The following NEO1 variants were observed in gnomAD, a reference collection of about 807,000 sequenced individuals.
The protein encoded by NEO1 is neogenin 1, also known as neogenin.
A neutral mutation model predicts 159.7 loss-of-function variants in NEO1; 63 were observed. The observed-to-expected ratio is 0.39, with a 90% CI of 0.32 to 0.49. The LOEUF is 0.49. NEO1 is among the 20% of genes least tolerant of loss of function. The pLI, the probability that NEO1 is intolerant of heterozygous loss-of-function variation, is 0.85. For missense variants in NEO1, 1,615 were observed against 1,831.0 expected, an observed-to-expected ratio of 0.88 and a Z score of 2.15; for synonymous variants, 633 against 662.0, an observed-to-expected ratio of 0.96 and a Z score of 0.67.
At chr15:73,257,655 AT>A (rs1394512606) in intron 13 of NEO1, among the ~76,000 whole-genome samples, 2 of 152,204 alleles carry the variant, frequency 1.3e-5, no homozygotes, top group Non-Finnish European at 2.9e-5. Flanking sequence ...TATGATATGT[AT>A]TGTATACCTT....
intron 1 of NEO1, among the ~76,000 whole-genome samples, chr15:73,107,011 T>G (rs2070729710): frequency 6.6e-6 from 1 of 152,212 alleles, no homozygotes; most frequent in Non-Finnish European, 1.5e-5. Flanking sequence ...TTACAAACTC[T>G]TTTGTAGTGA....
chr15:73,244,188 C>T (rs1333301066), intron 8 of NEO1, among the ~76,000 whole-genome samples, 156 bp from the exon 9 acceptor site: 1 of 152,174 alleles, frequency 6.6e-6, no homozygotes, highest in Non-Finnish European at 1.5e-5. Context: ...TTGCCAGTCC[C>T]CATCTTCTTT....
chr15:73,180,895 T>C (rs941917919), intron 7 of NEO1, among the ~76,000 whole-genome samples: 14 of 152,190 alleles, frequency 9.2e-5, no homozygotes, highest in African/African-American at 2.9e-4. Flanking sequence ...ATTTGCAAGA[T>C]AAATATTTAT....
chr15:73,166,172 C>G (rs527877882), intron 5 of NEO1, among the ~76,000 whole-genome samples: 1 of 152,276 alleles, frequency 6.6e-6, no homozygotes. Flanking sequence ...CCCATACCTG[C>G]TATAGTGGCT....
chr15:73,250,892 T>C (rs1323544717), intron 11 of NEO1, among the ~76,000 whole-genome samples: 2 of 152,196 alleles, frequency 1.3e-5, no homozygotes, highest in Non-Finnish European at 2.9e-5. Context: ...TTAGATATGT[T>C]ATTAGCTATA....
intron 5 of NEO1, among the ~76,000 whole-genome samples, chr15:73,146,313 A>G (rs1205152432): frequency 6.6e-6 from 1 of 152,206 alleles, no homozygotes; most frequent in Non-Finnish European, 1.5e-5. Flanking sequence ...TTTGACCACA[A>G]CGGATTGCTT....
rs559358091 is a variant in NEO1, at chr15:73,156,434, CCACTGG to C, written c.1016-19968_1016-19963del. 1.2e-3 allele frequency among the ~76,000 whole-genome samples: 180 copies of C among 152,260 alleles called. 1 individual carries two copies. The highest frequency in any genetic ancestry group is 4.1e-3 in the African/African-American group (170 of 41,542). ...AGTTCCAGGTAGGCTGATTCTTTGGCCACTGGGTGGCTCTCTCAAATGCCTGTTGTA... is the reference window on the plus strand; with the variant it reads ...AGTTCCAGGTAGGCTGATTCTTTGGCGTGGCTCTCTCAAATGCCTGTTGTA... On this transcript the variant is annotated intron_variant, in intron 5 of 28. Coordinates refer to ENST00000261908, the MANE Select transcript of NEO1 (RefSeq NM_002499.4).
intron 23 of NEO1, among the ~76,000 whole-genome samples, chr15:73,287,493 AAGAG>A (rs1205182415): frequency 1.3e-5 from 2 of 152,212 alleles, no homozygotes; most frequent in Non-Finnish European, 2.9e-5. Context: ...AGGGGTAAGT[AAGAG>A]AGTGAATGGA....
At position 73,298,439 on chromosome 15, in the gene NEO1, C is replaced by G; in HGVS notation, c.3993C>G (p.Thr1331=). The G allele has an allele frequency of 6.2e-7, 1 of 1,614,166 alleles. No individual in the cohort carries two copies. The change falls in exon 27 of 29, where the codon ACC becomes ACG. Residue 1331 remains threonine, a synonymous_variant. Coordinates refer to ENST00000261908, the MANE Select transcript of NEO1 (RefSeq NM_002499.4). The stretch of plus-strand genomic sequence containing the variant: ...ATCACCAGGACCCTGAAGGTGCTAC[C>G]AGCTCCTCTTACTTGGCCAGCTCCC... ...CTDHQDPEGA[T]SSSYLASSQE... is the part of the protein sequence containing the mutation.
chr15:73,153,974 C>T (rs1424351213), intron 5 of NEO1, among the ~76,000 whole-genome samples: 2 of 152,168 alleles, frequency 1.3e-5, no homozygotes, highest in South Asian at 2.1e-4. Flanking sequence ...GAAATAATAT[C>T]AAGCAATTTT....
intron 7 of NEO1, among the ~76,000 whole-genome samples, chr15:73,209,628 C>T (rs534169488): frequency 6.6e-6 from 1 of 152,274 alleles, no homozygotes; most frequent in South Asian, 2.1e-4. Flanking sequence ...TTCATACATA[C>T]ATTTTTATGA....
At chr15:73,266,211 T>G in intron 15 of NEO1, 105 bp from the exon 16 acceptor site, 1 of 806,050 alleles carries the variant, frequency 1.2e-6, no homozygotes, top group Non-Finnish European at 1.9e-6. Context: ...ATTTTTAAAG[T>G]TGTCTTTCTT....
intron 26 of NEO1, among the ~76,000 whole-genome samples, 167 bp downstream of exon 26, chr15:73,293,715 C>A (rs1265176952): frequency 6.6e-6 from 1 of 152,214 alleles, no homozygotes; most frequent in Non-Finnish European, 1.5e-5. Flanking sequence ...GTAAAATTCA[C>A]CCCATATTTC....
chr15:73,271,609 T>C (rs549173940), intron 18 of NEO1, among the ~76,000 whole-genome samples: 7 of 152,318 alleles, frequency 4.6e-5, no homozygotes, highest in African/African-American at 1.7e-4. Context: ...ATAGGGCTTT[T>C]AAAAGTTATA....
chr15:73,210,407 A>G (rs985462203), intron 7 of NEO1, among the ~76,000 whole-genome samples: 2 of 152,226 alleles, frequency 1.3e-5, no homozygotes, highest in African/African-American at 2.4e-5. Flanking sequence ...ATTGGCACCA[A>G]CCATCAAGGA....
intron 5 of NEO1, among the ~76,000 whole-genome samples, chr15:73,165,865 T>C (rs575141979): frequency 1.3e-5 from 2 of 152,352 alleles, no homozygotes; most frequent in African/African-American, 4.8e-5. Context: ...CCTCCTAATG[T>C]GCATGCAGGC....
intron 1 of NEO1, among the ~76,000 whole-genome samples, chr15:73,114,139 T>C (rs951369682): frequency 6.6e-6 from 1 of 152,136 alleles, no homozygotes; most frequent in South Asian, 2.1e-4. Flanking sequence ...AGACAGCATT[T>C]CTGAGCAAAT....
chr15:73,086,092 A>G (rs1258908030), intron 1 of NEO1, among the ~76,000 whole-genome samples: 1 of 152,204 alleles, frequency 6.6e-6, no homozygotes, highest in African/African-American at 2.4e-5. Context: ...ATTTAGATTT[A>G]TGATCCATAT....
chr15:73,143,731 G>A (rs1046797258), intron 5 of NEO1, among the ~76,000 whole-genome samples: 20 of 152,298 alleles, frequency 1.3e-4, no homozygotes, highest in African/African-American at 3.8e-4. Flanking sequence ...TGAACATACT[G>A]TGCTGTTTGA....
Sources: gnomAD v4.1 joint callset for allele counts (sites outside exome capture counted in the v4.1 genomes callset) on GRCh38, gnomAD v4.1.1 for gene constraint, MANE v1.5 for transcripts, NCBI Gene and HGNC (gene_info 2026-07-23, HGNC 2026-07-21) for gene names.